CNTN4: variants seen among roughly 807,000 people sequenced by gnomAD.
CNTN4 encodes contactin 4.
A neutral mutation model predicts 122.5 loss-of-function variants in CNTN4; 77 were observed. That is an observed-to-expected ratio of 0.63 (90% CI 0.52 to 0.76). CNTN4 has a LOEUF of 0.76. Ranked by LOEUF, CNTN4 falls within the 30% of genes least tolerant of loss-of-function variation. The pLI is 0.00. For missense variants in CNTN4, 1,256 were observed against 1,259.1 expected, an observed-to-expected ratio of 1.00 and a Z score of 0.04; for synonymous variants, 512 against 447.0, an observed-to-expected ratio of 1.15 and a Z score of -1.83.
intron 2 of CNTN4, among the ~76,000 whole-genome samples, chr3:2,151,037 A>G (rs2035472203): frequency 6.6e-6 from 1 of 152,144 alleles, no homozygotes; most frequent in Non-Finnish European, 1.5e-5. Flanking sequence ...TGGACCCCAC[A>G]GGAGAAGAAA....
chr3:2,454,958 T>C (rs1415420331), intron 3 of CNTN4, among the ~76,000 whole-genome samples: 3 of 152,122 alleles, frequency 2.0e-5, no homozygotes, highest in African/African-American at 7.2e-5. Context: ...AGCTAAAAGA[T>C]AAAAGAGTCT....
At chr3:2,272,887 A>G (rs1313503909) in intron 2 of CNTN4, among the ~76,000 whole-genome samples, 2 of 151,964 alleles carry the variant, frequency 1.3e-5, no homozygotes. Flanking sequence ...CTTTTGTAAT[A>G]TCGCATGGTC....
intron 4 of CNTN4, among the ~76,000 whole-genome samples, chr3:2,594,930 A>G (rs1223415739): frequency 6.6e-6 from 1 of 152,194 alleles, no homozygotes; most frequent in Non-Finnish European, 1.5e-5. Context: ...AAGAAGTGAG[A>G]TTCAACCATA....
At chr3:2,178,004 C>T (rs902096328) in intron 2 of CNTN4, among the ~76,000 whole-genome samples, 1 of 151,960 alleles carries the variant, frequency 6.6e-6, no homozygotes, top group Non-Finnish European at 1.5e-5. Context: ...AATTTGAATA[C>T]CCTTCAAGCC....
chr3:2,438,257 C>T (rs540086904), intron 3 of CNTN4, among the ~76,000 whole-genome samples: 9 of 152,156 alleles, frequency 5.9e-5, no homozygotes, highest in Admixed American at 1.3e-4. Context: ...CGGTTGCTCA[C>T]GCTAGTAATC....
At chr3:2,304,925 G>T (rs1253235223) in intron 2 of CNTN4, among the ~76,000 whole-genome samples, 1 of 151,646 alleles carries the variant, frequency 6.6e-6, no homozygotes, top group Non-Finnish European at 1.5e-5. Flanking sequence ...GGGAAATTAT[G>T]CAGTTATTTA....
intron 6 of CNTN4, among the ~76,000 whole-genome samples, chr3:2,805,468 A>C (rs2092443792): frequency 6.6e-6 from 1 of 152,194 alleles, no homozygotes; most frequent in South Asian, 2.1e-4. Flanking sequence ...ATGGAAAATG[A>C]GAATGTAGCT....
Position 2,242,157 on chromosome 3 carries a change from C to G in CNTN4, c.-144-97021C>G, listed in dbSNP as rs559204345. ...AAAATTAAGGGTCAGGAAGAAATCT[C>G]TAATAGAAATCACAAAACGATAGAC... On this transcript the variant is annotated intron_variant, in intron 2 of 24. Transcript: ENST00000418658. Among the ~76,000 whole-genome samples, 38 of 152,194 alleles carry G rather than the reference C, an allele frequency of 2.5e-4. No individual in the cohort carries two copies. In the South Asian group the frequency reaches 7.5e-3, roughly 30 times the overall value.
intron 2 of CNTN4, among the ~76,000 whole-genome samples, chr3:2,166,788 T>G (rs962637353): frequency 6.6e-6 from 1 of 152,098 alleles, no homozygotes; most frequent in Non-Finnish European, 1.5e-5. Flanking sequence ...TCATTGAGAT[T>G]GATGGAGAAA....
At chr3:2,318,199 G>A (rs985280786) in intron 2 of CNTN4, among the ~76,000 whole-genome samples, 1 of 149,720 alleles carries the variant, frequency 6.7e-6, no homozygotes, top group African/African-American at 2.5e-5. Flanking sequence ...GCCTGGGCAG[G>A]GTAACGAGAA....
intron 2 of CNTN4, among the ~76,000 whole-genome samples, chr3:2,324,621 G>C (rs969621560): frequency 6.6e-6 from 1 of 152,004 alleles, no homozygotes; most frequent in African/African-American, 2.4e-5. Context: ...TCCATCTATA[G>C]CCAGGACAGG....
At chr3:2,813,434 A>G (rs545559755) in intron 6 of CNTN4, among the ~76,000 whole-genome samples, 167 of 152,306 alleles carry the variant, frequency 1.1e-3, no homozygotes, top group Non-Finnish European at 1.9e-3. Flanking sequence ...TACTTGCATT[A>G]AATAATACAT....
chr3:3,031,273 G>A (rs1204034370), intron 16 of CNTN4, among the ~76,000 whole-genome samples: 1 of 152,138 alleles, frequency 6.6e-6, no homozygotes, highest in Non-Finnish European at 1.5e-5. Flanking sequence ...ACAAATTTAG[G>A]TGAACAAAAG....
chr3:2,423,950 GTTTTTTTT>G (rs778900664), intron 3 of CNTN4, among the ~76,000 whole-genome samples: 38,414 of 38,516 alleles, frequency 1, 19,201 homozygotes, highest in Middle Eastern at 1. Context: ...GAGGGAGGGG[GTTTTTTTT>G]GATTAGGCAA....
intron 2 of CNTN4, among the ~76,000 whole-genome samples, chr3:2,126,616 T>G (rs2034184512): frequency 6.6e-6 from 1 of 152,184 alleles, no homozygotes; most frequent in African/African-American, 2.4e-5. Flanking sequence ...CACGTAATTG[T>G]TTTGACTAGA....
intron 6 of CNTN4, among the ~76,000 whole-genome samples, chr3:2,815,369 C>T (rs2092702994): frequency 6.6e-6 from 1 of 152,070 alleles, no homozygotes; most frequent in African/African-American, 2.4e-5. Flanking sequence ...CCAGACTCTA[C>T]AACGAACTCA....
chr3:2,627,569 C>G (rs545673040), intron 4 of CNTN4, among the ~76,000 whole-genome samples: 3 of 149,556 alleles, frequency 2.0e-5, no homozygotes, highest in Non-Finnish European at 4.4e-5. Flanking sequence ...TCTCGGCTCA[C>G]TGCAAGCTCC....
intron 3 of CNTN4, among the ~76,000 whole-genome samples, chr3:2,468,088 G>T (rs541257952): frequency 6.6e-6 from 1 of 152,148 alleles, no homozygotes; most frequent in East Asian, 1.9e-4. Flanking sequence ...TCCCTTCTTT[G>T]TTAAGAAACC....
intron 2 of CNTN4, among the ~76,000 whole-genome samples, chr3:2,112,914 C>T (rs963114051): frequency 2.0e-5 from 3 of 152,126 alleles, no homozygotes; most frequent in Non-Finnish European, 4.4e-5. Flanking sequence ...TCTAGTCATT[C>T]ATGCCCTAGT....
Sources: allele counts gnomAD v4.1 joint callset (sites outside exome capture counted in the v4.1 genomes callset), GRCh38; gene constraint gnomAD v4.1.1; transcripts MANE v1.5; gene names NCBI Gene and HGNC (gene_info 2026-07-23, HGNC 2026-07-21).